The following INTS1 variants were observed in gnomAD, a reference collection of about 807,000 sequenced individuals.
The protein encoded by INTS1 is integrator complex subunit 1.
Under a neutral mutation model 241.6 loss-of-function variants are expected in INTS1, and 137 were observed. That is an observed-to-expected ratio of 0.57 (90% CI 0.49 to 0.65). The LOEUF is 0.65. Among genes scored for constraint, INTS1 ranks in the 30% least tolerant of loss-of-function variants. INTS1 has a pLI of 0.00. For synonymous variants in INTS1, 1,692 were observed against 1,337.8 expected, an observed-to-expected ratio of 1.26 and a Z score of -5.78; for missense variants, 3,073 against 3,032.2, an observed-to-expected ratio of 1.01 and a Z score of -0.32.
At chr7:1,480,237 T>G in intron 30 of INTS1, 80 bp downstream of exon 30, 1 of 1,470,906 alleles carries the variant, frequency 6.8e-7, no homozygotes, top group Non-Finnish European at 9.1e-7. Context: ...TAAAGGCCGC[T>G]GTGCGTGCGA....
intron 19 of INTS1, 62 bp downstream of exon 19, chr7:1,487,698 C>T: frequency 6.3e-7 from 1 of 1,579,088 alleles, no homozygotes; most frequent in Non-Finnish European, 8.6e-7. Flanking sequence ...TCTGTCCCAC[C>T]CACACCAACC....
At chr7:1,471,800 A>C (rs1397675463) in intron 44 of INTS1, 159 bp from the exon 45 acceptor site, 9 of 660,016 alleles carry the variant, frequency 1.4e-5, no homozygotes, top group Non-Finnish European at 1.8e-5. Flanking sequence ...ACCTGCCCCC[A>C]AGCTCCACAA....
At chr7:1,478,273 A>C in intron 33 of INTS1, 93 bp downstream of exon 33, 1 of 1,403,378 alleles carries the variant, frequency 7.1e-7, no homozygotes, top group Non-Finnish European at 9.9e-7. Context: ...CTGAGCAGAC[A>C]CTGTCCGTCC....
chr7:1,482,431 C>G, intron 27 of INTS1, 115 bp downstream of exon 27: 1 of 1,040,220 alleles, frequency 9.6e-7, no homozygotes, highest in East Asian at 2.6e-5. Flanking sequence ...CTGAGGCTAC[C>G]CGGCCAGTCT....
At chr7:1,483,505 G>A (rs1782094995) in intron 26 of INTS1, 2 of 586,998 alleles carry the variant, frequency 3.4e-6, no homozygotes, top group Admixed American at 5.3e-5. Context: ...CCAGCTCAGG[G>A]CTCTACAGGC....
At chr7:1,499,392 C>T (rs1319929267) in intron 6 of INTS1, 32 bp from the exon 7 acceptor site, 17 of 1,544,814 alleles carry the variant, frequency 1.1e-5, no homozygotes, top group Non-Finnish European at 1.5e-5. Flanking sequence ...CCATGCAGCG[C>T]CTCCCACCCG....
At chr7:1,487,211 T>C (rs1339393584) in intron 20 of INTS1, 109 bp downstream of exon 20, 25 of 1,503,454 alleles carry the variant, frequency 1.7e-5, no homozygotes, top group Non-Finnish European at 2.2e-5. Context: ...AGCCAGCTCA[T>C]GGGCCCCGCA....
rs760243144 is a variant in INTS1 at position 1,477,952 on chromosome 7, A to G, written c.4631-16T>C. ...CCCTGGAGGACTGCGCAAGGGACAA[A>G]GAGACATGTGGGTCACTCCCAGGTC... is the stretch of plus-strand genomic sequence containing the variant. On this transcript the variant is annotated splice_polypyrimidine_tract_variant and intron_variant, in intron 33 of 47. Coordinates refer to ENST00000404767, the MANE Select transcript of INTS1 (RefSeq NM_001080453.3). The G allele has an allele frequency of 6.2e-7, 1 of 1,611,160 alleles. No homozygotes were observed. The highest frequency in any genetic ancestry group is 1.1e-5 in the South Asian group (1 of 91,034).
rs1782343217 is a variant in INTS1 at position 1,487,760 on chromosome 7, T to C, written c.2516A>G (p.Gln839Arg). The change falls in exon 19 of 48, where the codon CAG becomes CGG. Residue 839 changes from glutamine (Q) to arginine (R), a missense_variant and splice_region_variant. Transcript: ENST00000404767. ...GGGCGGGGCTGTGTGGGCTGCGTAC[T>C]GGGGGTCCAGGCTGGTGAGCTGCGA... is the stretch of plus-strand genomic sequence containing the variant. ...LLSQLTSLDP[Q>R]GPPRRPPPHI... 6.2e-7 allele frequency: 1 copy of C among 1,607,710 alleles called. No homozygotes were observed. The highest frequency in any genetic ancestry group is 8.5e-7 in the Non-Finnish European group (1 of 1,179,734).
chr7:1,480,989 C>T, intron 28 of INTS1, 56 bp from the exon 29 acceptor site: 2 of 1,299,320 alleles, frequency 1.5e-6, no homozygotes, highest in East Asian at 2.4e-5. Flanking sequence ...GGAGCAGGTC[C>T]TTCCCTCTCC....
In INTS1 at chr7:1,481,494, G is replaced by A. The variant is rs540016908; in HGVS notation, c.3704-6C>T. 126 of 1,604,598 alleles carry A rather than the reference G, an allele frequency of 7.9e-5. 1 individual carries two copies. In the South Asian group the frequency reaches 1.3e-3, roughly 16 times the overall value. On this transcript the variant is annotated splice_polypyrimidine_tract_variant and splice_region_variant and intron_variant, in intron 27 of 47. Coordinates refer to ENST00000404767, the MANE Select transcript of INTS1 (RefSeq NM_001080453.3). The surrounding 1 kb of genome is among the most constrained non-coding windows in gnomAD (Gnocchi z 6.8). ...CGGCTCCAGGTCCTGCAGGGCTGAG[G>A]GTGCACGCGCTCCGTAACGCCACCC...
intron 26 of INTS1, 70 bp downstream of exon 26, chr7:1,483,672 C>T (rs553026513): frequency 2.6e-5 from 31 of 1,206,510 alleles, no homozygotes; most frequent in Admixed American, 2.3e-4. Flanking sequence ...ATGCGGAAGC[C>T]GCTGGGTGTG....
chr7:1,502,671 G>C (rs529667105), intron 3 of INTS1, among the ~76,000 whole-genome samples: 4 of 152,304 alleles, frequency 2.6e-5, no homozygotes, highest in African/African-American at 9.6e-5. Context: ...CTCAATAAGG[G>C]AGTGACCCGG....
rs1312546839 is a variant in INTS1 at position 1,485,663 on chromosome 7, T to G, written c.2977-194A>C. The stretch of plus-strand genomic sequence containing the variant: ...TGTTAAATGCTTCTGTTCAAGTTCC[T>G]GAAGCCACTCTGGACCCTCCCGTCA... On this transcript the variant is annotated intron_variant, in intron 22 of 47. Transcript: ENST00000404767. 10 of 622,428 alleles carry G rather than the reference T, an allele frequency of 1.6e-5. No individual in the cohort carries two copies. The East Asian group carries it at 2.8e-4, about 18-fold the overall frequency. The allele number at this position is 622,428 out of a possible 1,614,324, so 38.6% of individuals were successfully genotyped here.
intron 39 of INTS1, 77 bp downstream of exon 39, chr7:1,475,871 T>C: frequency 6.7e-7 from 1 of 1,491,776 alleles, no homozygotes; most frequent in Admixed American, 2.0e-5. Flanking sequence ...CCATGTACAC[T>C]GTGGCCTCCG....
chr7:1,499,321 C>G lies in INTS1; in HGVS notation c.884G>C (p.Ser295Thr), dbSNP rs778194828. The G allele has an allele frequency of 6.2e-7, 1 of 1,603,332 alleles. No individual in the cohort carries two copies. ...CTCCGCGATCAGCAACTCCGTCTGGCTGTCCTCCTCCTCCGTGAGGGAGGG... is the reference window on the plus strand; with the variant it reads ...CTCCGCGATCAGCAACTCCGTCTGGGTGTCCTCCTCCTCCGTGAGGGAGGG... ...PHPSLTEEED[S>T]QTELLIAEEK... Residue 295 changes from serine (S) to threonine (T), a missense_variant, in exon 7 of 48, where the codon AGC becomes ACC. Coordinates refer to ENST00000404767, the MANE Select transcript of INTS1 (RefSeq NM_001080453.3).
Position 1,498,495 on chromosome 7 carries a change from T to G in INTS1, c.1342A>C (p.Asn448His). Reference sequence around the variant, plus strand: ...GGGTTCCGGGCGCTGGAGAGCTCATTGAAGATCACCAACTTGATGGTGGTG... The same window carrying G: ...GGGTTCCGGGCGCTGGAGAGCTCATGGAAGATCACCAACTTGATGGTGGTG... ...LGTTIKLVIF[N>H]ELSSARNPNN... The change falls in exon 10 of 48, where the codon AAT becomes CAT. Residue 448 changes from asparagine (N) to histidine (H), a missense_variant. Asn to His is a moderately conservative substitution (Grantham distance 68, BLOSUM62 1). Transcript: ENST00000404767. The G allele has an allele frequency of 2.5e-6, 4 of 1,613,894 alleles. No individual in the cohort carries two copies. The highest frequency in any genetic ancestry group is 3.4e-6 in the Non-Finnish European group (4 of 1,179,854).
chr7:1,472,497 G>A (rs1781518409), intron 43 of INTS1, 111 bp from the exon 44 acceptor site: 2 of 722,016 alleles, frequency 2.8e-6, no homozygotes, highest in Non-Finnish European at 4.5e-6. Context: ...AGGCTCCCAA[G>A]GTGCCTGCAC....
rs771928887 is a variant in INTS1, at chr7:1,493,062, C to A, written c.2113G>T (p.Val705Phe). Residue 705 changes from valine (V) to phenylalanine (F), a missense_variant, in exon 16 of 48, where the codon GTT (valine) becomes TTT (phenylalanine). Coordinates refer to ENST00000404767, the MANE Select transcript of INTS1 (RefSeq NM_001080453.3). This position sits in a 1 kb window ranked among gnomAD's most constrained non-coding sequence, Gnocchi z 5.3. ...TGATGGTAGGTGCACAGATTCAGAA[C>A]GGCGTCGATCAGCTGGGTCCTCCCC... Reference protein sequence around the residue: ...KVGRTQLIDAVLNLCTYHHPE... With the variant: ...KVGRTQLIDAFLNLCTYHHPE... 1.1e-5 allele frequency: 18 copies of A among 1,613,532 alleles called. No homozygotes were observed. Among genetic ancestry groups the A allele is most frequent in the Non-Finnish European group, 1.5e-5 (18 of 1,179,690 alleles).
Sources: allele counts gnomAD v4.1 joint callset (sites outside exome capture counted in the v4.1 genomes callset), GRCh38; gene constraint gnomAD v4.1.1; non-coding constraint Gnocchi (gnomAD v3.1); transcripts MANE v1.5; gene names NCBI Gene and HGNC (gene_info 2026-07-23, HGNC 2026-07-21).